COL4A4: variants seen among roughly 807,000 people sequenced by gnomAD.
COL4A4 encodes the protein collagen alpha-4(IV) chain.
COL4A4 carries 105 observed loss-of-function variants against 192.9 expected under a neutral mutation model. That is an observed-to-expected ratio of 0.54 (90% CI 0.46 to 0.64). The LOEUF is 0.64. Ranked by LOEUF, COL4A4 falls within the 30% of genes least tolerant of loss-of-function variation. COL4A4 has a pLI of 0.00. For missense variants in COL4A4, 1,967 were observed against 2,169.3 expected (o/e 0.91, Z 1.85); for synonymous variants, 762 against 769.9 (o/e 0.99, Z 0.17).
At chr2:227,116,692 T>C (rs2061508201) in intron 7 of COL4A4, among the ~76,000 whole-genome samples, 1 of 152,158 alleles carries the variant, frequency 6.6e-6, no homozygotes, top group African/African-American at 2.4e-5. Context: ...TGAGAGACTA[T>C]TTGCAGCCAG....
intron 22 of COL4A4, among the ~76,000 whole-genome samples, chr2:227,085,959 A>G (rs186372284): frequency 1.6e-3 from 244 of 152,268 alleles, no homozygotes; most frequent in African/African-American, 5.6e-3. Flanking sequence ...ACATGACTCA[A>G]TTGAATTCTT....
the COL4A4 span, chr2:226,988,291 C>G: frequency 6.5e-7 from 1 of 1,535,248 alleles, no homozygotes. Context: ...GTCTCTTCCC[C>G]TGTCCTTCCC....
At chr2:227,102,335 A>G (rs1317140978) in intron 15 of COL4A4, among the ~76,000 whole-genome samples, 2 of 152,228 alleles carry the variant, frequency 1.3e-5, no homozygotes, top group African/African-American at 4.8e-5. Context: ...TCTAGAACCA[A>G]ATAAACTCAA....
At position 227,088,692 on chromosome 2, in the gene COL4A4, G is replaced by T. The variant is rs1251758935; in HGVS notation, c.1584C>A (p.Asp528Glu). Reference sequence around the variant, plus strand: ...GTCCTTCAGCACCAGGAGGTCCTGGGTCACCTTTTGTTCCAAGCCAGCCAG... The same window carrying T: ...GTCCTTCAGCACCAGGAGGTCCTGGTTCACCTTTTGTTCCAAGCCAGCCAG... Reference protein sequence around the residue: ...GLPGWLGTKGDPGPPGAEGPP... With the variant: ...GLPGWLGTKGEPGPPGAEGPP... Residue 528 changes from aspartate (D) to glutamate (E), a missense_variant, in exon 22 of 48, where the codon GAC (aspartate) becomes GAA (glutamate). Asp to Glu is a conservative substitution (Grantham distance 45). Coordinates refer to ENST00000396625, the MANE Select transcript of COL4A4 (RefSeq NM_000092.5). 1.2e-6 allele frequency: 2 copies of T among 1,614,138 alleles called. No individual in the cohort carries two copies. Among genetic ancestry groups the T allele is most frequent in the South Asian group, 2.2e-5 (2 of 91,080 alleles).
At chr2:227,158,279 A>T (rs2064515316) in intron 1 of COL4A4, among the ~76,000 whole-genome samples, 1 of 152,158 alleles carries the variant, frequency 6.6e-6, no homozygotes, top group African/African-American at 2.4e-5. Context: ...CAACAAGTGG[A>T]TATTCACATG....
At chr2:227,028,104 A>G (rs1575870133) in intron 41 of COL4A4, 95 bp from the exon 42 acceptor site, 7 of 900,294 alleles carry the variant, frequency 7.8e-6, no homozygotes, top group Non-Finnish European at 1.2e-5. Flanking sequence ...GATTCACTCC[A>G]ACAAAATGCA....
intron 1 of COL4A4, among the ~76,000 whole-genome samples, chr2:227,156,986 T>TA (rs2064403579): frequency 2.0e-5 from 3 of 152,190 alleles, no homozygotes; most frequent in Admixed American, 2.0e-4. Context: ...CATCTTTACT[T>TA]AATTTAATAT....
chr2:227,027,735 C>T, intron 42 of COL4A4, 167 bp downstream of exon 42: 2 of 476,082 alleles, frequency 4.2e-6, no homozygotes, highest in Non-Finnish European at 7.4e-6. Flanking sequence ...ATTACTTTAC[C>T]AAACATGAGA....
At chr2:227,162,765 A>G (rs1559776769) in intron 1 of COL4A4, among the ~76,000 whole-genome samples, 1 of 152,242 alleles carries the variant, frequency 6.6e-6, no homozygotes, top group Non-Finnish European at 1.5e-5. Flanking sequence ...ACAGCTAGAG[A>G]GTCTGATAAA....
At chr2:227,024,787 G>C (rs1030841439) in intron 43 of COL4A4, among the ~76,000 whole-genome samples, 7 of 152,182 alleles carry the variant, frequency 4.6e-5, no homozygotes, top group Admixed American at 2.6e-4. Context: ...TGTAAAACTT[G>C]GCTTTTCTAC....
At position 227,075,482 on chromosome 2, in the gene COL4A4, C is replaced by A. The variant is rs533880989; in HGVS notation, c.1987+2412G>T. Among the ~76,000 whole-genome samples the A allele has an allele frequency of 2.1e-4, 32 of 152,212 alleles. No homozygotes were observed. The South Asian group carries it at 6.5e-3, about 31-fold the overall frequency. On this transcript the variant is annotated intron_variant, in intron 25 of 47. Coordinates refer to ENST00000396625, the MANE Select transcript of COL4A4 (RefSeq NM_000092.5). ...CTCAATAAACTAGTTATTGATGGAA[C>A]ATATCTCAAAATAACAAGAGCTATT...
At chr2:227,002,328 A>C (rs1044568009), downstream of COL4A4, among the ~76,000 whole-genome samples, 1 of 151,980 alleles carries the variant, frequency 6.6e-6, no homozygotes. Context: ...CTTTGGTTTC[A>C]TAAATCTCTT....
At position 227,104,299 on chromosome 2, in the gene COL4A4, G is replaced by A. The variant is rs575038033; in HGVS notation, c.736-247C>T. 1.8e-4 allele frequency: 76 copies of A among 423,984 alleles called. 1 individual carries two copies. Among genetic ancestry groups the A allele is most frequent in the South Asian group, 1.5e-3 (63 of 43,422 alleles). 26.3% of individuals were successfully genotyped at this position (423,984 alleles called of 1,614,324 possible). A position where few individuals can be genotyped will look rare whatever the true frequency, so the allele number is the denominator to read the frequency against. On this transcript the variant is annotated intron_variant, in intron 12 of 47. Transcript: ENST00000396625. ...AATGCTACTATCCAGGGCCAGGCGCGGTGGCTCACGCCTGTAATCCGAGCA... is the reference window on the plus strand; with the variant it reads ...AATGCTACTATCCAGGGCCAGGCGCAGTGGCTCACGCCTGTAATCCGAGCA...
In COL4A4 at chr2:227,060,123, A is replaced by C; in HGVS notation, c.2164+13T>G. 4 of 1,446,574 alleles carry C rather than the reference A, an allele frequency of 2.8e-6. No homozygotes were observed. The East Asian group carries it at 9.1e-5, about 33-fold the overall frequency. 89.6% of individuals were successfully genotyped at this position (1,446,574 alleles called of 1,614,324 possible). On this transcript the variant is annotated intron_variant, in intron 27 of 47. Coordinates refer to ENST00000396625, the MANE Select transcript of COL4A4 (RefSeq NM_000092.5). Reference sequence around the variant, plus strand: ...GCAGAAAAAAAAAAAAAAAAAAAAAAAACCTCACTGACCAGGTGGACCTGG... The same window carrying C: ...GCAGAAAAAAAAAAAAAAAAAAAAACAACCTCACTGACCAGGTGGACCTGG...
intron 20 of COL4A4, among the ~76,000 whole-genome samples, 167 bp downstream of exon 20, chr2:227,093,958 G>T (rs1245345990): frequency 6.6e-6 from 1 of 152,154 alleles, no homozygotes; most frequent in African/African-American, 2.4e-5. Flanking sequence ...ATACTTTAAT[G>T]GATGTGAAAG....
chr2:227,128,940 C>A (rs1423331120), intron 4 of COL4A4, among the ~76,000 whole-genome samples: 1 of 152,108 alleles, frequency 6.6e-6, no homozygotes, highest in Non-Finnish European at 1.5e-5. Flanking sequence ...AGTTTCCACA[C>A]CCCCACCCTC....
At chr2:227,069,597 T>C (rs1205285711) in intron 25 of COL4A4, among the ~76,000 whole-genome samples, 1 of 152,032 alleles carries the variant, frequency 6.6e-6, no homozygotes, top group Non-Finnish European at 1.5e-5. Context: ...TTGACAAACC[T>C]GAGAAAAACA....
At chr2:227,162,024 A>G (rs1483834340) in intron 1 of COL4A4, among the ~76,000 whole-genome samples, 4 of 152,190 alleles carry the variant, frequency 2.6e-5, no homozygotes, top group African/African-American at 9.7e-5. Flanking sequence ...AGATTCCAAC[A>G]ACTCCCTGAG....
chr2:227,058,126 T>G (rs991222272), intron 28 of COL4A4, among the ~76,000 whole-genome samples: 6 of 152,242 alleles, frequency 3.9e-5, no homozygotes, highest in Admixed American at 6.5e-5. Context: ...CATTTAAAAA[T>G]AGTAATCAGT....
Sources: gnomAD v4.1 joint callset for allele counts (sites outside exome capture counted in the v4.1 genomes callset) on GRCh38, gnomAD v4.1.1 for gene constraint, MANE v1.5 for transcripts, NCBI Gene and HGNC (gene_info 2026-07-23, HGNC 2026-07-21) for gene names.